The following ZNF704 variants were observed in gnomAD, a reference collection of about 807,000 sequenced individuals.
The protein encoded by ZNF704 is zinc finger protein 704.
In ZNF704, 10 loss-of-function variants were observed where a neutral mutation model predicts 44.7. The ratio of observed to expected loss-of-function variants is 0.22; its 90% confidence interval spans 0.14 to 0.38. ZNF704 has a LOEUF of 0.38. Ranked by LOEUF, ZNF704 falls within the 10% of genes least tolerant of loss-of-function variation. The probability of loss-of-function intolerance (pLI) is 1.00; values close to 1 mark genes in which losing one functional copy is unlikely to be tolerated. For missense variants in ZNF704, 390 were observed against 545.5 expected (o/e 0.71, Z 2.84); for synonymous variants, 211 against 207.6 (o/e 1.02, Z -0.14).
At chr8:80,716,467 C>A (rs545082525) in intron 2 of ZNF704, among the ~76,000 whole-genome samples, 4 of 152,324 alleles carry the variant, frequency 2.6e-5, no homozygotes, top group African/African-American at 9.6e-5. Flanking sequence ...ATCCTTGGAT[C>A]GTCCCAAGAC....
intron 1 of ZNF704, among the ~76,000 whole-genome samples, chr8:80,830,926 T>C (rs1226601361): frequency 1.3e-5 from 2 of 151,928 alleles, no homozygotes; most frequent in African/African-American, 4.8e-5. Context: ...CCCAGCTTTT[T>C]TGTATTTATA....
rs536197614 is a variant in ZNF704 at position 80,738,374 on chromosome 8, TA to T, written c.222-45268del. Among the ~76,000 whole-genome samples the T allele has an allele frequency of 1.3e-3, 202 of 152,326 alleles. 1 individual carries two copies. The highest frequency in any genetic ancestry group is 4.7e-3 in the African/African-American group (194 of 41,576). On this transcript the variant is annotated intron_variant, in intron 2 of 8. Coordinates refer to ENST00000327835, the MANE Select transcript of ZNF704 (RefSeq NM_001033723.3). Reference sequence around the variant, plus strand: ...ACATATTACACTTGGGATTCTTTTGTAAAAAAGGTTTTTATAGACACATTTT... The same window carrying T: ...ACATATTACACTTGGGATTCTTTTGTAAAAAGGTTTTTATAGACACATTTT...
intron 1 of ZNF704, among the ~76,000 whole-genome samples, chr8:80,834,607 T>C (rs1223185013): frequency 6.6e-6 from 1 of 152,202 alleles, no homozygotes; most frequent in Non-Finnish European, 1.5e-5. Flanking sequence ...GGTGGTTTGC[T>C]GTACCTATCC....
At chr8:80,783,954 A>T (rs1470953048) in intron 2 of ZNF704, among the ~76,000 whole-genome samples, 1 of 152,102 alleles carries the variant, frequency 6.6e-6, no homozygotes, top group Non-Finnish European at 1.5e-5. Context: ...CCTTTCCAGA[A>T]TGTCATATAG....
Position 80,687,456 on chromosome 8 carries a change from T to C in ZNF704, c.328A>G (p.Ser110Gly), listed in dbSNP as rs1204421309. ...CCCTCCTTCCAGGATCCGCTGAGGCTCTCTGCATGCACACAAACACAGTCA... is the reference window on the plus strand; with the variant it reads ...CCCTCCTTCCAGGATCCGCTGAGGCCCTCTGCATGCACACAAACACAGTCA... ...VRSPPVRPNE[S>G]LSGSWKEGGC... The change falls in exon 4 of 9, where the codon AGC becomes GGC. Residue 110 changes from serine to glycine, a missense_variant and splice_region_variant. By Grantham distance (56) the Ser-to-Gly change is moderately conservative (BLOSUM62 0). Around this residue, in one of 3 missense-constraint regions of ZNF704, gnomAD observed 305 missense variants for 435.7 expected, o/e 0.70. Transcript: ENST00000327835. The C allele has an allele frequency of 1.3e-6, 2 of 1,549,870 alleles. No homozygotes were observed. Among genetic ancestry groups the C allele is most frequent in the Non-Finnish European group, 1.7e-6 (2 of 1,149,578 alleles).
At chr8:80,872,564 G>A (rs951344364) in intron 1 of ZNF704, among the ~76,000 whole-genome samples, 5 of 151,974 alleles carry the variant, frequency 3.3e-5, no homozygotes, top group Non-Finnish European at 5.9e-5. Context: ...CTGATTTTAG[G>A]AACCACTCTT....
intron 5 of ZNF704, among the ~76,000 whole-genome samples, chr8:80,665,896 A>C (rs1455786856): frequency 6.6e-6 from 1 of 151,876 alleles, no homozygotes; most frequent in Non-Finnish European, 1.5e-5. Flanking sequence ...CAGCCTGTGA[A>C]CCATGAGCCA....
chr8:80,862,891 G>A (rs1224574686), intron 1 of ZNF704, among the ~76,000 whole-genome samples: 1 of 151,342 alleles, frequency 6.6e-6, no homozygotes, highest in East Asian at 1.9e-4. Context: ...CATAAGATAT[G>A]CAAATAGAGA....
At chr8:80,758,615 T>C (rs983207675) in intron 2 of ZNF704, among the ~76,000 whole-genome samples, 2 of 152,194 alleles carry the variant, frequency 1.3e-5, no homozygotes, top group African/African-American at 4.8e-5. Context: ...CTAATACTTA[T>C]TAGGCTCTTA....
rs576324992 is a variant in ZNF704 at position 80,766,452 on chromosome 8, T to C, written c.221+54922A>G. ...GTCTAGCTGCACCCCTGTCCTTTCCTGGGGTCACAGAAGCCTTACTATAAA... is the reference window on the plus strand; with the variant it reads ...GTCTAGCTGCACCCCTGTCCTTTCCCGGGGTCACAGAAGCCTTACTATAAA... On this transcript the variant is annotated intron_variant, in intron 2 of 8. Coordinates refer to ENST00000327835, the MANE Select transcript of ZNF704 (RefSeq NM_001033723.3). Among the ~76,000 whole-genome samples the C allele has an allele frequency of 9.8e-5, 15 of 152,304 alleles. No individual in the cohort carries two copies. In the South Asian group the frequency reaches 1.0e-3, roughly 11 times the overall value.
intron 1 of ZNF704, among the ~76,000 whole-genome samples, chr8:80,852,882 C>A (rs1808894106): frequency 6.6e-6 from 1 of 152,130 alleles, no homozygotes; most frequent in African/African-American, 2.4e-5. Context: ...GTTTTGCATA[C>A]CATACCATTA....
chr8:80,672,770 A>AT (rs1325386456), intron 4 of ZNF704, among the ~76,000 whole-genome samples: 2 of 152,166 alleles, frequency 1.3e-5, no homozygotes, highest in Non-Finnish European at 1.5e-5. Flanking sequence ...GAGGAGGGAA[A>AT]TAGGGAGTGG....
intron 1 of ZNF704, among the ~76,000 whole-genome samples, chr8:80,832,371 C>A (rs1034680367): frequency 6.6e-6 from 1 of 152,164 alleles, no homozygotes; most frequent in African/African-American, 2.4e-5. Flanking sequence ...AAGATCATAA[C>A]GGCGCATCAG....
chr8:80,776,039 G>A (rs150609078), intron 2 of ZNF704, among the ~76,000 whole-genome samples: 20 of 152,162 alleles, frequency 1.3e-4, no homozygotes, highest in African/African-American at 3.9e-4. Flanking sequence ...CTCCATAGCC[G>A]TCATTTTTAA....
At chr8:80,829,729 C>A (rs1586059021) in intron 1 of ZNF704, among the ~76,000 whole-genome samples, 1 of 152,174 alleles carries the variant, frequency 6.6e-6, no homozygotes, top group South Asian at 2.1e-4. Flanking sequence ...TAGTAATATA[C>A]AACAAAGCAA....
chr8:80,857,482 G>A lies in ZNF704; in HGVS notation c.-22+17089C>T, dbSNP rs139840263. On this transcript the variant is annotated intron_variant, in intron 1 of 8. Transcript: ENST00000327835. ...GCATCTATTGAGATAATCATATGGTGTTACCCTTTCAATCTATTAATACAG... is the reference window on the plus strand; with the variant it reads ...GCATCTATTGAGATAATCATATGGTATTACCCTTTCAATCTATTAATACAG... Among the ~76,000 whole-genome samples the A allele has an allele frequency of 6.5e-3, 989 of 152,182 alleles. 9 individuals are homozygous for A. The highest frequency in any genetic ancestry group is 0.022 in the African/African-American group (926 of 41,528).
At chr8:80,786,364 C>T (rs530698533) in intron 2 of ZNF704, among the ~76,000 whole-genome samples, 1 of 152,274 alleles carries the variant, frequency 6.6e-6, no homozygotes, top group Non-Finnish European at 1.5e-5. Context: ...AGAGATCCAG[C>T]TTCTGTGTCT....
At chr8:80,803,927 T>A (rs1194207905) in intron 2 of ZNF704, among the ~76,000 whole-genome samples, 1 of 152,116 alleles carries the variant, frequency 6.6e-6, no homozygotes, top group Non-Finnish European at 1.5e-5. Flanking sequence ...TTTTTTGCCA[T>A]CTATCCATCT....
chr8:80,753,672 T>C (rs186424233), intron 2 of ZNF704, among the ~76,000 whole-genome samples: 12 of 152,304 alleles, frequency 7.9e-5, no homozygotes, highest in African/African-American at 2.9e-4. Context: ...GGGGACATTT[T>C]ATAAAGAAGG....
Sources: gnomAD v4.1 joint callset for allele counts (sites outside exome capture counted in the v4.1 genomes callset) on GRCh38, gnomAD v4.1.1 for gene constraint, gnomAD v4.1.1 regional missense constraint, MANE v1.5 for transcripts, NCBI Gene and HGNC (gene_info 2026-07-23, HGNC 2026-07-21) for gene names.